SNX18: variants seen among roughly 807,000 people sequenced by gnomAD.
SNX18 encodes the protein sorting nexin-18.
SNX18 carries 35 observed loss-of-function variants against 48.7 expected under a neutral mutation model. The observed-to-expected ratio is 0.72, with a 90% CI of 0.55 to 0.95. The LOEUF (loss-of-function observed/expected upper bound fraction) is 0.95, where lower values mean the gene tolerates loss of function less well. Ranked by LOEUF, SNX18 falls within the 40% of genes least tolerant of loss-of-function variation. The pLI, the probability that SNX18 is intolerant of heterozygous loss-of-function variation, is 0.00. For missense variants in SNX18, 824 were observed against 871.0 expected, an observed-to-expected ratio of 0.95 and a Z score of 0.68; for synonymous variants, 492 against 384.7, an observed-to-expected ratio of 1.28 and a Z score of -3.26.
chr5:54,588,306 CTTTTTTTTTTTTTTTTTTTTT>C, the SNX18 span, among the ~76,000 whole-genome samples: 190 of 73,920 alleles, frequency 2.6e-3, no homozygotes, highest in Admixed American at 3.6e-3. Flanking sequence ...TATTTCTATT[CTTTTTTTTTTTTTTTTTTTTT>C]TTTTTTTTTT....
At chr5:54,530,960 C>G (rs1218859459) in intron 1 of SNX18, among the ~76,000 whole-genome samples, 1 of 151,710 alleles carries the variant, frequency 6.6e-6, no homozygotes, top group Non-Finnish European at 1.5e-5. Flanking sequence ...ATCATGTTGG[C>G]CAGGCTTGTC....
At chr5:54,646,906 C>G in the SNX18 span, among the ~76,000 whole-genome samples, 1 of 152,176 alleles carries the variant, frequency 6.6e-6, no homozygotes, top group Non-Finnish European at 1.5e-5. Context: ...TGAGCCCTCC[C>G]AGCTGTGCTG....
the SNX18 span, among the ~76,000 whole-genome samples, chr5:54,561,191 C>T: frequency 1.3e-5 from 2 of 152,004 alleles, no homozygotes; most frequent in Admixed American, 1.3e-4. Context: ...TACAGGCCTG[C>T]ACCACCACGC....
At chr5:54,591,745 C>A in the SNX18 span, among the ~76,000 whole-genome samples, 2 of 152,198 alleles carry the variant, frequency 1.3e-5, no homozygotes, top group Admixed American at 1.3e-4. Flanking sequence ...CACTTTGCCC[C>A]AGTCACAGTT....
At chr5:54,622,591 C>T in the SNX18 span, among the ~76,000 whole-genome samples, 1 of 147,664 alleles carries the variant, frequency 6.8e-6, no homozygotes, top group Non-Finnish European at 1.5e-5. Context: ...AGAATATAAA[C>T]ATAATATATA....
the SNX18 span, among the ~76,000 whole-genome samples, chr5:54,577,346 A>T: frequency 7.3e-6 from 1 of 137,264 alleles, no homozygotes; most frequent in South Asian, 2.7e-4. Context: ...CCTCTGGCCC[A>T]CTCCCCGCCC....
intron 1 of SNX18, among the ~76,000 whole-genome samples, chr5:54,535,583 C>A (rs1267369263): frequency 3.3e-5 from 5 of 152,104 alleles, no homozygotes; most frequent in Non-Finnish European, 5.9e-5. Flanking sequence ...TCAATCTGTG[C>A]CCACAAAGAG....
At chr5:54,626,726 CAG>C in the SNX18 span, among the ~76,000 whole-genome samples, 1 of 152,202 alleles carries the variant, frequency 6.6e-6, no homozygotes, top group Admixed American at 6.5e-5. Context: ...CTAAAATGTG[CAG>C]AACAGCCCTG....
At chr5:54,575,970 C>A in the SNX18 span, among the ~76,000 whole-genome samples, 1 of 152,170 alleles carries the variant, frequency 6.6e-6, no homozygotes, top group Non-Finnish European at 1.5e-5. Flanking sequence ...TTGGCCATTT[C>A]TCTGAGTCTC....
In SNX18 at chr5:54,543,827, G is replaced by A. The variant is rs1000792035; in HGVS notation, c.*395G>A. On this transcript the variant is annotated 3_prime_UTR_variant, in exon 2 of 2. Transcript: ENST00000381410. ...GGATGCCTTTTTACTCTCATAGATT[G>A]GGATTACCTAAATTCAACCTATTCT... The A allele has an allele frequency of 1.2e-5, 2 of 161,754 alleles. No homozygotes were observed. The highest frequency in any genetic ancestry group is 1.3e-4 in the Admixed American group (2 of 15,876). The allele number at this position is 161,754 out of a possible 1,614,324, so 10.0% of individuals were successfully genotyped here. A position where few individuals can be genotyped will look rare whatever the true frequency, so the allele number is the denominator to read the frequency against.
downstream of SNX18, among the ~76,000 whole-genome samples, chr5:54,547,960 C>A (rs1295281533): frequency 6.6e-6 from 1 of 152,116 alleles, no homozygotes; most frequent in Non-Finnish European, 1.5e-5. Flanking sequence ...GGGTAGACTT[C>A]TAGGCAGCGT....
intron 1 of SNX18, 128 bp from the exon 2 acceptor site, chr5:54,543,051 A>T: frequency 1.1e-6 from 1 of 899,564 alleles, no homozygotes; most frequent in Non-Finnish European, 1.6e-6. Context: ...CCTCACTTTA[A>T]ATTTCAAAGG....
Position 54,546,526 on chromosome 5 carries a change from GAT to G in SNX18, c.*3095_*3096del, listed in dbSNP as rs1213216461. 3.9e-5 allele frequency: 6 copies of G among 152,130 alleles called. No homozygotes were observed. The highest frequency in any genetic ancestry group is 5.9e-5 in the Non-Finnish European group (4 of 68,016). The allele number at this position is 152,130 out of a possible 1,614,324, so 9.4% of individuals were successfully genotyped here. A position where few individuals can be genotyped will look rare whatever the true frequency, so the allele number is the denominator to read the frequency against. ...TGTTTTATTTCCTTCAAAATGTTAT[GAT>G]TAGTGCAGATCAGCCATGTTTATCT... On this transcript the variant is annotated 3_prime_UTR_variant, in exon 2 of 2. Coordinates refer to ENST00000381410, the MANE Select transcript of SNX18 (RefSeq NM_001102575.2).
intron 1 of SNX18, among the ~76,000 whole-genome samples, chr5:54,521,974 C>G (rs997563259): frequency 2.6e-5 from 4 of 152,134 alleles, no homozygotes; most frequent in Non-Finnish European, 5.9e-5. Context: ...TTAACAGATT[C>G]AAGAGCACTA....
chr5:54,623,932 A>G, the SNX18 span, among the ~76,000 whole-genome samples: 7 of 152,310 alleles, frequency 4.6e-5, no homozygotes, highest in African/African-American at 1.7e-4. Flanking sequence ...TGAGGTATAG[A>G]AACAGAATAG....
the SNX18 span, among the ~76,000 whole-genome samples, chr5:54,605,667 T>C: frequency 6.6e-6 from 1 of 152,158 alleles, no homozygotes; most frequent in South Asian, 2.1e-4. Flanking sequence ...GAAACTTATT[T>C]ATTTATTTTT....
the SNX18 span, among the ~76,000 whole-genome samples, chr5:54,581,891 G>A: frequency 6.6e-6 from 1 of 152,158 alleles, no homozygotes; most frequent in Non-Finnish European, 1.5e-5. Flanking sequence ...TAAGCCCTCT[G>A]TGTTAGGGGA....
chr5:54,553,032 C>T, the SNX18 span, among the ~76,000 whole-genome samples: 7 of 133,020 alleles, frequency 5.3e-5, no homozygotes, highest in East Asian at 2.6e-4. Flanking sequence ...GGAGCACAGC[C>T]GGGGACAGTA....
the SNX18 span, among the ~76,000 whole-genome samples, chr5:54,611,364 C>T: frequency 6.6e-6 from 1 of 152,116 alleles, no homozygotes; most frequent in African/African-American, 2.4e-5. Flanking sequence ...AATCACCATG[C>T]CCTGTCTCCT....
Sources: allele counts gnomAD v4.1 joint callset (sites outside exome capture counted in the v4.1 genomes callset), GRCh38; gene constraint gnomAD v4.1.1; transcripts MANE v1.5; gene names NCBI Gene and HGNC (gene_info 2026-07-23, HGNC 2026-07-21).